COX15: variants seen among roughly 807,000 people sequenced by gnomAD.
COX15 encodes heme A synthase COX15.
In COX15, 51 loss-of-function variants were observed where a neutral mutation model predicts 51.9. The ratio of observed to expected loss-of-function variants is 0.98; its 90% CI spans 0.78 to 1.24. The LOEUF (loss-of-function observed/expected upper bound fraction) is 1.24, where lower values mean the gene tolerates loss of function less well. COX15 is among the 50% of genes most tolerant of loss of function. The pLI, the probability that COX15 is intolerant of heterozygous loss-of-function variation, is 0.00. For missense variants in COX15, 420 were observed against 501.1 expected, an observed-to-expected ratio of 0.84 and a Z score of 1.55; for synonymous variants, 188 against 190.5, an observed-to-expected ratio of 0.99 and a Z score of 0.11.
downstream of COX15, among the ~76,000 whole-genome samples, chr10:99,708,268 A>C (rs780560892): frequency 2.0e-5 from 3 of 152,236 alleles, no homozygotes; most frequent in Non-Finnish European, 4.4e-5. Flanking sequence ...TTAGGCATTA[A>C]CATTTATTAT....
chr10:99,707,308 TTA>T (rs1303690731), downstream of COX15, among the ~76,000 whole-genome samples: 2 of 152,202 alleles, frequency 1.3e-5, no homozygotes, highest in Non-Finnish European at 2.9e-5. Context: ...AACTGAATAT[TTA>T]TTATTGGTAT....
chr10:99,709,081 T>C (rs2036307947), downstream of COX15: 15 of 981,608 alleles, frequency 1.5e-5, no homozygotes, highest in Non-Finnish European at 1.7e-5. Context: ...TTAAATTTTA[T>C]ACATCTTTTT....
intron 2 of COX15, among the ~76,000 whole-genome samples, chr10:99,729,050 C>T (rs2037050713): frequency 6.6e-6 from 1 of 152,158 alleles, no homozygotes; most frequent in African/African-American, 2.4e-5. Context: ...ATAGAAGGCT[C>T]CTACTAATAA....
At chr10:99,698,596 T>G in the COX15 span, 6 of 1,614,040 alleles carry the variant, frequency 3.7e-6, no homozygotes, top group Non-Finnish European at 5.1e-6. Context: ...TGCCTGCCAG[T>G]GGGACTCACA....
At chr10:99,715,524 G>A (rs921086051) in intron 8 of COX15, among the ~76,000 whole-genome samples, 3 of 149,694 alleles carry the variant, frequency 2.0e-5, no homozygotes, top group African/African-American at 7.4e-5. Context: ...GGTCTTTGTT[G>A]CATTGGACTG....
chr10:99,707,741 C>G (rs1243571606), downstream of COX15, among the ~76,000 whole-genome samples: 1 of 152,242 alleles, frequency 6.6e-6, no homozygotes, highest in Non-Finnish European at 1.5e-5. Context: ...CAATCCATCA[C>G]TTTCCCCAAA....
At chr10:99,727,673 G>A (rs2037004819) in intron 2 of COX15, 110 bp from the exon 3 acceptor site, 3 of 1,264,224 alleles carry the variant, frequency 2.4e-6, no homozygotes, top group Admixed American at 1.7e-5. Flanking sequence ...TAAACACATT[G>A]TTTCCTTGTT....
intron 5 of COX15, among the ~76,000 whole-genome samples, chr10:99,722,124 C>T (rs555235374): frequency 3.0e-4 from 45 of 152,272 alleles, no homozygotes; most frequent in Admixed American, 1.6e-3. Flanking sequence ...CCTCAGCCTC[C>T]CAAAGTGCTG....
chr10:99,706,522 A>G (rs2133537159), downstream of COX15, among the ~76,000 whole-genome samples: 1 of 150,946 alleles, frequency 6.6e-6, no homozygotes, highest in African/African-American at 2.4e-5. Context: ...TTATTTTTTT[A>G]GAGATGGAGT....
At chr10:99,728,611 C>T (rs1371012071) in intron 2 of COX15, among the ~76,000 whole-genome samples, 1 of 152,136 alleles carries the variant, frequency 6.6e-6, no homozygotes, top group South Asian at 2.1e-4. Flanking sequence ...TGGCTGTTAA[C>T]ATCTATAATA....
chr10:99,710,120 T>C, downstream of COX15: 1 of 985,452 alleles, frequency 1.0e-6, no homozygotes, highest in Non-Finnish European at 1.2e-6. Flanking sequence ...ACCACTTGTA[T>C]ACCCTCTGGT....
chr10:99,708,979 T>C (rs74152722), downstream of COX15: 382 of 985,448 alleles, frequency 3.9e-4, 2 homozygotes, highest in African/African-American at 6.1e-3. Flanking sequence ...TTTGCTCACA[T>C]TTAGGAATAA....
In COX15 at chr10:99,714,199, T is replaced by G; in HGVS notation, c.*388A>C. The G allele has an allele frequency of 9.3e-7, 1 of 1,076,020 alleles. No homozygotes were observed. Among genetic ancestry groups the G allele is most frequent in the Non-Finnish European group, 1.1e-6 (1 of 883,636 alleles). 66.7% of individuals were successfully genotyped at this position (1,076,020 alleles called of 1,614,324 possible). On this transcript the variant is annotated 3_prime_UTR_variant, in exon 9 of 9. Coordinates refer to ENST00000016171, the MANE Select transcript of COX15 (RefSeq NM_078470.6). ...AATCTTCACCTAATGGAAGTGAAGTTAAGATCATAAAGAAATTCTATTTAG... is the reference window on the plus strand; with the variant it reads ...AATCTTCACCTAATGGAAGTGAAGTGAAGATCATAAAGAAATTCTATTTAG...
At chr10:99,720,591 C>T (rs1017389139) in intron 6 of COX15, among the ~76,000 whole-genome samples, 7 of 152,194 alleles carry the variant, frequency 4.6e-5, no homozygotes, top group African/African-American at 1.7e-4. Context: ...ACAGCTAACA[C>T]TTATGTAGCC....
chr10:99,726,997 G>C lies in COX15; in HGVS notation c.553C>G (p.Leu185Val). The C allele has an allele frequency of 4.3e-6, 7 of 1,613,784 alleles. No homozygotes were observed. The highest frequency in any genetic ancestry group is 5.1e-6 in the Non-Finnish European group (6 of 1,179,956). Residue 185 changes from leucine to valine, a missense_variant, in exon 4 of 9, where the codon CTT becomes GTT. Coordinates refer to ENST00000016171, the MANE Select transcript of COX15 (RefSeq NM_078470.6). ...WLSRGMKGRV[L>V]ALCGLVCFQG... ...AAGCAGACGAGGCCACAGAGGGCAA[G>C]AACACGTCCTTTCATGCCACGGCTG...
chr10:99,711,881 C>G lies in COX15; in HGVS notation c.*2706G>C, dbSNP rs903898142. ...AAAGAGGTTTATTTGGCTCACTGTTCTGCATAGAACTGTATAGGAAGCATG... is the reference window on the plus strand; with the variant it reads ...AAAGAGGTTTATTTGGCTCACTGTTGTGCATAGAACTGTATAGGAAGCATG... On this transcript the variant is annotated 3_prime_UTR_variant, in exon 9 of 9. Coordinates refer to ENST00000016171, the MANE Select transcript of COX15 (RefSeq NM_078470.6). 1.3e-5 allele frequency: 12 copies of G among 936,204 alleles called. No individual in the cohort carries two copies. Among genetic ancestry groups the G allele is most frequent in the Non-Finnish European group, 1.4e-5 (11 of 785,138 alleles). 58.0% of individuals were successfully genotyped at this position (936,204 alleles called of 1,614,324 possible).
At chr10:99,698,421 G>C in the COX15 span, 2 of 1,030,722 alleles carry the variant, frequency 1.9e-6, no homozygotes, top group African/African-American at 1.6e-5. Context: ...CGTTTCTAGA[G>C]ATATCATGAA....
chr10:99,699,348 G>A, the COX15 span, among the ~76,000 whole-genome samples: 5 of 152,206 alleles, frequency 3.3e-5, no homozygotes, highest in Non-Finnish European at 5.9e-5. Flanking sequence ...AAAAAGCAAT[G>A]ATGGTGGAAG....
the COX15 span, among the ~76,000 whole-genome samples, chr10:99,699,990 T>C: frequency 6.6e-6 from 1 of 151,778 alleles, no homozygotes; most frequent in Non-Finnish European, 1.5e-5. Context: ...ATCTGCAGTA[T>C]CTGTACTGTT....
Sources: gnomAD v4.1 joint callset for allele counts (sites outside exome capture counted in the v4.1 genomes callset) on GRCh38, gnomAD v4.1.1 for gene constraint, MANE v1.5 for transcripts, NCBI Gene and HGNC (gene_info 2026-07-23, HGNC 2026-07-21) for gene names.